CES5A: variants seen among roughly 807,000 people sequenced by gnomAD.
The protein encoded by CES5A is carboxylesterase 5.
CES5A carries 67 observed loss-of-function variants against 62.9 expected under a neutral mutation model. The observed-to-expected ratio is 1.07, with a 90% confidence interval of 0.88 to 1.31. The LOEUF is 1.31. CES5A is among the 50% of genes most tolerant of loss of function. CES5A has a pLI of 0.00. For missense variants in CES5A, 748 were observed against 708.5 expected, an observed-to-expected ratio of 1.06 and a Z score of -0.63; for synonymous variants, 296 against 280.8, an observed-to-expected ratio of 1.05 and a Z score of -0.54.
intron 1 of CES5A, among the ~76,000 whole-genome samples, chr16:55,895,330 A>G (rs754736580): frequency 1.7e-4 from 26 of 152,350 alleles, no homozygotes; most frequent in Non-Finnish European, 2.8e-4. Context: ...ATGAACTCCA[A>G]CCTATGAGAG....
intron 1 of CES5A, among the ~76,000 whole-genome samples, chr16:55,955,424 G>T (rs1200129561): frequency 6.6e-6 from 1 of 152,094 alleles, no homozygotes; most frequent in Non-Finnish European, 1.5e-5. Context: ...CTATATAATT[G>T]TTTTCACTCA....
At chr16:55,857,343 T>C (rs1246544879) in intron 8 of CES5A, among the ~76,000 whole-genome samples, 2 of 152,188 alleles carry the variant, frequency 1.3e-5, no homozygotes, top group Non-Finnish European at 2.9e-5. Context: ...GTGCTTCCTG[T>C]GATTATTTGT....
At chr16:55,895,152 G>A (rs1388198855) in intron 1 of CES5A, among the ~76,000 whole-genome samples, 2 of 152,204 alleles carry the variant, frequency 1.3e-5, no homozygotes, top group Admixed American at 6.5e-5. Context: ...TTGAAGGCTT[G>A]CCTTAAGACA....
At chr16:55,925,966 A>G (rs2034253912), upstream of CES5A, among the ~76,000 whole-genome samples, 1 of 152,144 alleles carries the variant, frequency 6.6e-6, no homozygotes, top group African/African-American at 2.4e-5. Flanking sequence ...AAGACAGGTA[A>G]GGGTAGAGAG....
rs906565126 is a variant in CES5A at position 55,932,348 on chromosome 16, T to G, written c.160+17437A>C. 2.0e-5 allele frequency among the ~76,000 whole-genome samples: 3 copies of G among 152,250 alleles called. No homozygotes were observed. The South Asian group carries it at 6.2e-4, about 32-fold the overall frequency. ...TGTTTTCTTTATAAATTGCCCAGTC[T>G]CAGGTATTCAGTTGTAGCAACAGAA... On this transcript the variant is annotated intron_variant, in intron 2 of 13. Transcript: ENST00000521992.
chr16:55,945,504 TA>T (rs2034485850), intron 2 of CES5A, among the ~76,000 whole-genome samples: 1 of 152,234 alleles, frequency 6.6e-6, no homozygotes. Context: ...TTGGGCATCC[TA>T]AATCTGCCAT....
intron 9 of CES5A, among the ~76,000 whole-genome samples, chr16:55,854,273 T>C (rs1373256701): frequency 1.3e-5 from 2 of 152,086 alleles, no homozygotes; most frequent in Non-Finnish European, 2.9e-5. Flanking sequence ...TGCCCTTCCA[T>C]TCCTCTTGCA....
In CES5A at chr16:55,865,975, A is replaced by C. The variant is rs2033449120; in HGVS notation, c.693T>G (p.Ser231Arg). ...TIFGESAGAI[S>R]VSSLILSPMA... ...GCAGAGAACTCACAAGACTAGAAACACTTATGGCTCCCGCGGACTCGCCAA... is the reference window on the plus strand; with the variant it reads ...GCAGAGAACTCACAAGACTAGAAACCCTTATGGCTCCCGCGGACTCGCCAA... Residue 231 changes from serine (S) to arginine (R), a missense_variant, in exon 5 of 13, where the codon AGT becomes AGG. By Grantham distance (110) the Ser-to-Arg change is moderately radical. Coordinates refer to ENST00000290567, the MANE Select transcript of CES5A (RefSeq NM_001143685.2). 6.2e-7 allele frequency: 1 copy of C among 1,614,134 alleles called. No homozygotes were observed. The highest frequency in any genetic ancestry group is 2.2e-5 in the East Asian group (1 of 44,882).
chr16:55,945,667 T>C (rs1478253308), intron 2 of CES5A, among the ~76,000 whole-genome samples: 2 of 152,228 alleles, frequency 1.3e-5, no homozygotes, highest in African/African-American at 2.4e-5. Context: ...TGTCTAGTTG[T>C]CAAAATCATC....
intron 4 of CES5A, among the ~76,000 whole-genome samples, chr16:55,868,428 T>C (rs2033510240): frequency 1.3e-5 from 2 of 152,180 alleles, no homozygotes; most frequent in African/African-American, 4.8e-5. Flanking sequence ...GCCAAGCACA[T>C]GTTCTCTGAA....
intron 4 of CES5A, among the ~76,000 whole-genome samples, chr16:55,869,028 A>G (rs1361279210): frequency 4.6e-5 from 7 of 152,232 alleles, no homozygotes; most frequent in African/African-American, 1.7e-4. Context: ...TGATAGAGTG[A>G]TGATTCTCAG....
In CES5A at chr16:55,861,929, C is replaced by T. The variant is rs2033359808; in HGVS notation, c.811-413G>A. Among the ~76,000 whole-genome samples the T allele has an allele frequency of 2.6e-5, 4 of 152,102 alleles. No individual in the cohort carries two copies. In the South Asian group the frequency reaches 8.3e-4, roughly 32 times the overall value. Reference sequence around the variant, plus strand: ...CAAGAGTGAGGAGCAGCTTTGGAAGCTCCTTCATTGTCAGTACAGGCAGGA... The same window carrying T: ...CAAGAGTGAGGAGCAGCTTTGGAAGTTCCTTCATTGTCAGTACAGGCAGGA... On this transcript the variant is annotated intron_variant, in intron 6 of 12. Transcript: ENST00000290567.
intron 1 of CES5A, among the ~76,000 whole-genome samples, chr16:55,919,232 C>T (rs1160470913): frequency 6.6e-6 from 1 of 152,256 alleles, no homozygotes; most frequent in African/African-American, 2.4e-5. Context: ...CTTTTTGTGT[C>T]AGGCCCTCAA....
intron 2 of CES5A, among the ~76,000 whole-genome samples, chr16:55,938,093 T>C (rs1158750140): frequency 6.6e-6 from 1 of 152,230 alleles, no homozygotes; most frequent in Non-Finnish European, 1.5e-5. Context: ...ATGTCATCTC[T>C]AAGTTTCCAG....
intron 1 of CES5A, among the ~76,000 whole-genome samples, chr16:55,910,328 A>T (rs1300059079): frequency 6.6e-6 from 1 of 152,226 alleles, no homozygotes; most frequent in African/African-American, 2.4e-5. Flanking sequence ...TCCATGGTTC[A>T]GCAAGGATGC....
At chr16:55,905,657 G>A (rs1430494768) in intron 1 of CES5A, among the ~76,000 whole-genome samples, 1 of 152,004 alleles carries the variant, frequency 6.6e-6, no homozygotes, top group African/African-American at 2.4e-5. Context: ...ACCGTGCCTG[G>A]CCCTAAATCT....
chr16:55,865,569 G>A (rs75932828), intron 5 of CES5A, among the ~76,000 whole-genome samples: 21 of 152,250 alleles, frequency 1.4e-4, no homozygotes, highest in African/African-American at 5.1e-4. Flanking sequence ...CTGTTGGTGA[G>A]GGAATATACA....
chr16:55,870,548 A>G (rs1311529555), intron 3 of CES5A, among the ~76,000 whole-genome samples: 3 of 152,136 alleles, frequency 2.0e-5, no homozygotes, highest in African/African-American at 7.2e-5. Flanking sequence ...TAAACAAAAA[A>G]TTAGCCAGGT....
intron 1 of CES5A, among the ~76,000 whole-genome samples, chr16:55,910,607 G>A (rs1335964397): frequency 6.6e-6 from 1 of 152,220 alleles, no homozygotes; most frequent in South Asian, 2.1e-4. Context: ...ATCTTGGAGG[G>A]ACTGAATAAA....
Sources: gnomAD v4.1 joint callset for allele counts (sites outside exome capture counted in the v4.1 genomes callset) on GRCh38, gnomAD v4.1.1 for gene constraint, MANE v1.5 for transcripts, NCBI Gene and HGNC (gene_info 2026-07-23, HGNC 2026-07-21) for gene names.